The following ATP9A variants were observed in gnomAD, a reference collection of about 807,000 sequenced individuals.
ATP9A encodes ATPase phospholipid transporting 9A.
ATP9A carries 52 observed loss-of-function variants against 144.1 expected under a neutral mutation model. That is an observed-to-expected ratio of 0.36 (90% CI 0.29 to 0.45). The LOEUF is 0.45. ATP9A is among the 20% of genes least tolerant of loss of function. ATP9A has a pLI of 1.00. For synonymous variants in ATP9A, 582 were observed against 557.4 expected, an observed-to-expected ratio of 1.04 and a Z score of -0.62; for missense variants, 947 against 1,392.7, an observed-to-expected ratio of 0.68 and a Z score of 5.09.
intron 7 of ATP9A, among the ~76,000 whole-genome samples, chr20:51,693,000 C>T (rs1042732974): frequency 5.3e-5 from 8 of 152,152 alleles, no homozygotes; most frequent in Non-Finnish European, 5.9e-5. Flanking sequence ...GTGACGTGAG[C>T]ACAGGGGAAG....
chr20:51,625,824 T>C (rs1160994869), intron 17 of ATP9A, among the ~76,000 whole-genome samples: 1 of 152,222 alleles, frequency 6.6e-6, no homozygotes, highest in African/African-American at 2.4e-5. Flanking sequence ...GCTTCTTCTC[T>C]TTATCATGTT....
At chr20:51,756,802 A>G (rs1052934483) in intron 1 of ATP9A, among the ~76,000 whole-genome samples, 1 of 152,234 alleles carries the variant, frequency 6.6e-6, no homozygotes, top group Non-Finnish European at 1.5e-5. Flanking sequence ...ATGTTCTAAC[A>G]GCACAAGGCT....
At chr20:51,690,224 T>A (rs778361023) in intron 8 of ATP9A, among the ~76,000 whole-genome samples, 1 of 142,672 alleles carries the variant, frequency 7.0e-6, no homozygotes, top group Non-Finnish European at 1.5e-5. Context: ...ATCAAGACCA[T>A]CCTGGCTAAC....
rs185680559 is a variant in ATP9A, at chr20:51,767,552, A to G, written c.68+750T>C. On this transcript the variant is annotated intron_variant, in intron 1 of 27. Transcript: ENST00000338821. ...GTCCCCTCTTCCCAAATGCAGAAAA[A>G]CCCTTGCCTGTTCCGCGCCTAAGCT... 5.9e-5 allele frequency among the ~76,000 whole-genome samples: 9 copies of G among 151,804 alleles called. No homozygotes were observed. In the East Asian group the frequency reaches 1.7e-3, roughly 29 times the overall value.
At chr20:51,666,742 C>T (rs549439821) in intron 13 of ATP9A, among the ~76,000 whole-genome samples, 8 of 151,518 alleles carry the variant, frequency 5.3e-5, no homozygotes, top group South Asian at 2.1e-4. Flanking sequence ...GAACCCCTTA[C>T]GAAGCTCTAA....
At chr20:51,696,277 T>A in intron 5 of ATP9A, 133 bp from the exon 6 acceptor site, 1 of 652,900 alleles carries the variant, frequency 1.5e-6, no homozygotes, top group Non-Finnish European at 2.7e-6. Flanking sequence ...ACAGACTCTT[T>A]TACGTTTCTG....
chr20:51,743,358 CAGACAGGCTGGGG>C (rs2077792897), intron 1 of ATP9A, among the ~76,000 whole-genome samples: 1 of 150,214 alleles, frequency 6.7e-6, no homozygotes, highest in African/African-American at 2.5e-5. Flanking sequence ...TCCCACATTC[CAGACAGGCTGGGG>C]AGATGGGCTG....
At chr20:51,620,205 A>G (rs2077221011) in intron 19 of ATP9A, among the ~76,000 whole-genome samples, 1 of 152,204 alleles carries the variant, frequency 6.6e-6, no homozygotes, top group African/African-American at 2.4e-5. Context: ...ATCCAAAAGC[A>G]GTCGTACACC....
intron 14 of ATP9A, among the ~76,000 whole-genome samples, chr20:51,641,387 G>A (rs1197515823): frequency 6.6e-6 from 1 of 151,902 alleles, no homozygotes; most frequent in Non-Finnish European, 1.5e-5. Flanking sequence ...AGGGTGGGGT[G>A]GTGCATGTGT....
intron 1 of ATP9A, among the ~76,000 whole-genome samples, chr20:51,762,895 T>G (rs1306788754): frequency 6.6e-6 from 1 of 151,674 alleles, no homozygotes; most frequent in Non-Finnish European, 1.5e-5. Context: ...TTATTATTTA[T>G]TTTTTGTAGA....
chr20:51,698,641 G>T (rs1208650563), intron 4 of ATP9A, among the ~76,000 whole-genome samples: 1 of 152,188 alleles, frequency 6.6e-6, no homozygotes, highest in Non-Finnish European at 1.5e-5. Context: ...GAAAGGGGTT[G>T]GAGAATCAGA....
chr20:51,695,669 G>T (rs1250185755), intron 6 of ATP9A, among the ~76,000 whole-genome samples: 1 of 152,126 alleles, frequency 6.6e-6, no homozygotes, highest in East Asian at 1.9e-4. Flanking sequence ...ACAAAGGGCA[G>T]AAAAGACGCC....
intron 9 of ATP9A, among the ~76,000 whole-genome samples, chr20:51,683,284 A>G (rs1601102036): frequency 6.6e-6 from 1 of 150,788 alleles, no homozygotes; most frequent in African/African-American, 2.4e-5. Context: ...ATTTTTTTTG[A>G]GACGGAGTCT....
chr20:51,639,351 T>C lies in ATP9A; in HGVS notation c.1660A>G (p.Ile554Val). 1.2e-6 allele frequency: 2 copies of C among 1,612,844 alleles called. No homozygotes were observed. Among genetic ancestry groups the C allele is most frequent in the African/African-American group, 2.7e-5 (2 of 74,954 alleles). ...FTYESKRMGI[I>V]VRDESTGEIT... ...GAATAAAAACGACTCACCCGCACGA[T>C]GATGCCCATACGTTTGCTTTCATAG... The change falls in exon 15 of 28, where the codon ATC (isoleucine) becomes GTC (valine). Residue 554 changes from isoleucine (I) to valine (V), a missense_variant. Physicochemically the swap from Ile to Val is conservative, Grantham distance 29 (BLOSUM62 3). Transcript: ENST00000338821.
intron 1 of ATP9A, among the ~76,000 whole-genome samples, chr20:51,749,454 C>T (rs1218445676): frequency 6.6e-6 from 1 of 152,030 alleles, no homozygotes; most frequent in Non-Finnish European, 1.5e-5. Flanking sequence ...GTAGTAGAGA[C>T]AGTTTCACCA....
At chr20:51,680,100 G>A (rs2077493792) in intron 9 of ATP9A, among the ~76,000 whole-genome samples, 1 of 151,912 alleles carries the variant, frequency 6.6e-6, no homozygotes, top group South Asian at 2.1e-4. Context: ...CGTGGTGATG[G>A]GCACCTGTAA....
At chr20:51,629,165 G>A in intron 15 of ATP9A, 93 bp from the exon 16 acceptor site, 3 of 916,922 alleles carry the variant, frequency 3.3e-6, no homozygotes, top group Non-Finnish European at 5.0e-6. Context: ...TGTACAAAGT[G>A]CACTTAACAG....
At chr20:51,651,320 TAA>T (rs1471678111) in intron 14 of ATP9A, among the ~76,000 whole-genome samples, 3 of 135,774 alleles carry the variant, frequency 2.2e-5, no homozygotes, top group Non-Finnish European at 3.2e-5. Context: ...ATATATTATA[TAA>T]TATATATTTA....
chr20:51,728,306 G>T (rs1169392069), intron 2 of ATP9A, among the ~76,000 whole-genome samples: 1 of 152,068 alleles, frequency 6.6e-6, no homozygotes, highest in African/African-American at 2.4e-5. Flanking sequence ...GAGGAAACCA[G>T]CAATGAATAT....
Sources: gnomAD v4.1 joint callset for allele counts (sites outside exome capture counted in the v4.1 genomes callset) on GRCh38, gnomAD v4.1.1 for gene constraint, MANE v1.5 for transcripts, NCBI Gene and HGNC (gene_info 2026-07-23, HGNC 2026-07-21) for gene names.